NRXN1: variants seen among roughly 807,000 people sequenced by gnomAD.
The protein encoded by NRXN1 is neurexin-1.
Under a neutral mutation model 150.9 loss-of-function variants are expected in NRXN1, and 39 were observed. That is an observed-to-expected ratio of 0.26 (90% CI 0.20 to 0.34). NRXN1 has a LOEUF of 0.34. NRXN1 is among the 10% of genes least tolerant of loss of function. The pLI, the probability that NRXN1 is intolerant of heterozygous loss-of-function variation, is 1.00. For synonymous variants in NRXN1, 924 were observed against 757.0 expected (o/e 1.22, Z -3.62); for missense variants, 1,815 against 1,949.9 (o/e 0.93, Z 1.30).
chr2:50,615,801 T>C (rs780708797), intron 8 of NRXN1: 5 of 152,188 alleles, frequency 3.3e-5, no homozygotes, highest in Admixed American at 6.5e-5. Flanking sequence ...TTCTGCAAGA[T>C]TTTCTAACCT....
chr2:51,007,238 A>G (rs1300096679), intron 2 of NRXN1, among the ~76,000 whole-genome samples: 2 of 151,928 alleles, frequency 1.3e-5, no homozygotes, highest in African/African-American at 4.8e-5. Context: ...ATTAATGAGC[A>G]TTTTCTGAAC....
chr2:50,506,899 A>G (rs1218043703), intron 12 of NRXN1: 7 of 330,688 alleles, frequency 2.1e-5, no homozygotes, highest in Non-Finnish European at 3.9e-5. Context: ...GCATTGATCC[A>G]TAACAAGTGA....
intron 9 of NRXN1, among the ~76,000 whole-genome samples, chr2:50,546,375 A>T (rs913095074): frequency 1.3e-5 from 2 of 152,120 alleles, no homozygotes; most frequent in Non-Finnish European, 2.9e-5. Context: ...ATGTTAATAC[A>T]TTTAAGTTCT....
chr2:50,951,963 A>ATTTTTTTTTTT (rs1295565122), intron 2 of NRXN1, among the ~76,000 whole-genome samples: 8 of 74,824 alleles, frequency 1.1e-4, no homozygotes, highest in African/African-American at 2.8e-4. Context: ...ATATATATAT[A>ATTTTTTTTTTT]TTTTTTTTTT....
At chr2:50,878,425 C>T (rs1024806605) in intron 5 of NRXN1, among the ~76,000 whole-genome samples, 10 of 151,300 alleles carry the variant, frequency 6.6e-5, no homozygotes, top group Non-Finnish European at 1.3e-4. Context: ...CACCAGAAGG[C>T]CCTCCTCCTC....
chr2:50,406,140 C>G (rs1189714358), intron 17 of NRXN1, among the ~76,000 whole-genome samples: 2 of 151,956 alleles, frequency 1.3e-5, no homozygotes, highest in African/African-American at 4.8e-5. Context: ...TCATGCTTTT[C>G]CAATGTTTTC....
intron 5 of NRXN1, among the ~76,000 whole-genome samples, chr2:50,732,659 A>C (rs1043623430): frequency 1.3e-5 from 2 of 152,174 alleles, no homozygotes; most frequent in African/African-American, 4.8e-5. Context: ...ATTTTCCTTT[A>C]AATCCGTATC....
chr2:50,803,701 A>C (rs1225828748), intron 5 of NRXN1, among the ~76,000 whole-genome samples: 1 of 152,224 alleles, frequency 6.6e-6, no homozygotes, highest in Non-Finnish European at 1.5e-5. Flanking sequence ...GCCTTGCTGA[A>C]TATTGCTCCT....
At chr2:50,526,631 T>C (rs765736938) in intron 12 of NRXN1, 1 of 152,210 alleles carries the variant, frequency 6.6e-6, no homozygotes, top group African/African-American at 2.4e-5. Flanking sequence ...GTCTTTTTTA[T>C]GGAACTTGGG....
intron 2 of NRXN1, among the ~76,000 whole-genome samples, chr2:50,982,979 T>C (rs1353036605): frequency 6.6e-6 from 1 of 152,088 alleles, no homozygotes; most frequent in Non-Finnish European, 1.5e-5. Context: ...TATTCATTAT[T>C]TCTACTTAAA....
chr2:50,242,086 G>C (rs1002218412), intron 17 of NRXN1, among the ~76,000 whole-genome samples: 53 of 151,660 alleles, frequency 3.5e-4, no homozygotes, highest in African/African-American at 1.2e-3. Flanking sequence ...AAACATTCAG[G>C]CAATTATGTT....
At chr2:50,676,437 G>A (rs943426038) in intron 5 of NRXN1, among the ~76,000 whole-genome samples, 4 of 152,152 alleles carry the variant, frequency 2.6e-5, no homozygotes, top group East Asian at 1.9e-4. Flanking sequence ...AGGTTTTAGC[G>A]TAGAATGTCT....
intron 5 of NRXN1, chr2:50,637,608 G>A (rs1462597429): frequency 1.3e-5 from 2 of 152,184 alleles, no homozygotes; most frequent in African/African-American, 2.4e-5. Context: ...ACAGTTCCTG[G>A]TCTCCTCTAG....
At chr2:50,824,710 G>GA (rs949383773) in intron 5 of NRXN1, among the ~76,000 whole-genome samples, 10 of 151,964 alleles carry the variant, frequency 6.6e-5, no homozygotes, top group Non-Finnish European at 1.0e-4. Flanking sequence ...CTAGGGCCCA[G>GA]AAAAAAATAC....
At chr2:50,234,171 C>T (rs2065208271) in intron 18 of NRXN1, among the ~76,000 whole-genome samples, 1 of 151,914 alleles carries the variant, frequency 6.6e-6, no homozygotes, top group Non-Finnish European at 1.5e-5. Context: ...AAACCACTGG[C>T]CTTGTGTTAA....
At chr2:50,342,043 T>A (rs371394066) in intron 17 of NRXN1, among the ~76,000 whole-genome samples, 7 of 152,224 alleles carry the variant, frequency 4.6e-5, no homozygotes, top group Admixed American at 1.3e-4. Flanking sequence ...CTCCGATATC[T>A]TGCCTCCTCC....
chr2:51,003,565 G>GT (rs1010975735), intron 2 of NRXN1, among the ~76,000 whole-genome samples: 2 of 151,958 alleles, frequency 1.3e-5, no homozygotes, highest in Non-Finnish European at 2.9e-5. Flanking sequence ...GAGTAACTGT[G>GT]TAAGACATGA....
At chr2:50,123,666 G>T (rs1323007883) in intron 18 of NRXN1, among the ~76,000 whole-genome samples, 1 of 152,148 alleles carries the variant, frequency 6.6e-6, no homozygotes, top group East Asian at 1.9e-4. Flanking sequence ...ACTATGAAGT[G>T]ATTAAACTTT....
chr2:49,978,744 C>A, intron 21 of NRXN1, among the ~76,000 whole-genome samples: 2 of 146,480 alleles, frequency 1.4e-5, no homozygotes, highest in African/African-American at 5.0e-5. Flanking sequence ...TGACCACAAA[C>A]CCATGGATAT....
Sources: allele counts gnomAD v4.1 joint callset (sites outside exome capture counted in the v4.1 genomes callset), GRCh38; gene constraint gnomAD v4.1.1; transcripts MANE v1.5; gene names NCBI Gene and HGNC (gene_info 2026-07-23, HGNC 2026-07-21).